The following HDAC4 variants were observed in gnomAD, a reference collection of about 807,000 sequenced individuals.
HDAC4 encodes histone deacetylase A.
HDAC4 carries 16 observed loss-of-function variants against 135.1 expected under a neutral mutation model. The ratio of observed to expected loss-of-function variants is 0.12; its 90% confidence interval spans 0.08 to 0.18. The LOEUF (loss-of-function observed/expected upper bound fraction) is 0.18. HDAC4 is among the 10% of genes least tolerant of loss of function. The probability of loss-of-function intolerance (pLI) is 1.00; values close to 1 mark genes in which losing one functional copy is unlikely to be tolerated. For missense variants in HDAC4, 1,143 were observed against 1,511.8 expected, an observed-to-expected ratio of 0.76 and a Z score of 4.05; for synonymous variants, 685 against 653.4, an observed-to-expected ratio of 1.05 and a Z score of -0.74.
chr2:239,282,073 A>C (rs2050801245), intron 2 of HDAC4, among the ~76,000 whole-genome samples: 1 of 149,390 alleles, frequency 6.7e-6, no homozygotes, highest in Admixed American at 6.6e-5. Flanking sequence ...CTCTACACAC[A>C]ATGTATACAC....
At position 239,189,901 on chromosome 2, in the gene HDAC4, C is replaced by A. The variant is rs763704380; in HGVS notation, c.271G>T (p.Ala91Ser). ...TGCTCGTGCTGCCTCTGGAACTCAG[C>A]GATGAGGATCTGCCTCTGGATCTGC... ...KQQIQRQILI[A>S]EFQRQHEQLS... Residue 91 changes from alanine to serine, a missense_variant, in exon 4 of 27, where the codon GCT becomes TCT. Transcript: ENST00000543185. 3 of 1,611,050 alleles carry A rather than the reference C, an allele frequency of 1.9e-6. No individual in the cohort carries two copies. The highest frequency in any genetic ancestry group is 4.5e-5 in the East Asian group (2 of 44,822).
chr2:239,235,936 A>G (rs1444131663), intron 3 of HDAC4, among the ~76,000 whole-genome samples: 1 of 152,134 alleles, frequency 6.6e-6, no homozygotes, highest in Non-Finnish European at 1.5e-5. Flanking sequence ...CTACTTGGGG[A>G]GACTGAGGCA....
upstream of HDAC4, chr2:239,401,348 C>G (rs575863015): frequency 4.6e-5 from 7 of 153,326 alleles, no homozygotes; most frequent in African/African-American, 1.7e-4. Flanking sequence ...TCCCCGCACG[C>G]GTCCTGGACC....
intron 12 of HDAC4, among the ~76,000 whole-genome samples, chr2:239,119,660 G>A (rs909244481): frequency 5.9e-5 from 9 of 152,126 alleles, no homozygotes; most frequent in African/African-American, 1.9e-4. Context: ...AGACCTAAGG[G>A]CTGAGGACAC....
In HDAC4 at chr2:239,168,914, C is replaced by T. The variant is rs866165625; in HGVS notation, c.491-4991G>A. ...AAACCACCGGGACGGCCGCCTGTGA[C>T]GGGGCTAGAGGGGAGCAGGAACATT... is the stretch of plus-strand genomic sequence containing the variant. On this transcript the variant is annotated intron_variant, in intron 5 of 26. Transcript: ENST00000543185. Among the ~76,000 whole-genome samples the T allele has an allele frequency of 7.9e-5, 12 of 152,166 alleles. 1 individual carries two copies. The highest frequency in any genetic ancestry group is 3.9e-4 in the Admixed American group (6 of 15,288).
intron 1 of HDAC4, among the ~76,000 whole-genome samples, chr2:239,396,280 T>C (rs1000843079): frequency 5.9e-5 from 9 of 152,040 alleles, no homozygotes; most frequent in Non-Finnish European, 8.8e-5. Context: ...CCAGCCCTAT[T>C]ATATTTTATA....
At chr2:239,158,774 G>A (rs2042586971) in intron 6 of HDAC4, among the ~76,000 whole-genome samples, 1 of 152,050 alleles carries the variant, frequency 6.6e-6, no homozygotes, top group Admixed American at 6.6e-5. Flanking sequence ...GTCAGGGCAG[G>A]TCACACCCGC....
chr2:239,258,232 C>T (rs1254656647), intron 2 of HDAC4, among the ~76,000 whole-genome samples: 1 of 151,808 alleles, frequency 6.6e-6, no homozygotes, highest in African/African-American at 2.4e-5. Flanking sequence ...AGAATGATCT[C>T]AAAAGTCAAG....
At chr2:239,356,266 A>G (rs1045898864) in intron 1 of HDAC4, among the ~76,000 whole-genome samples, 3 of 152,220 alleles carry the variant, frequency 2.0e-5, no homozygotes, top group African/African-American at 7.2e-5. Flanking sequence ...GGAAGAATTA[A>G]AGCATCTAAG....
chr2:239,142,104 C>T (rs559143266), intron 8 of HDAC4, among the ~76,000 whole-genome samples: 5 of 151,944 alleles, frequency 3.3e-5, no homozygotes, highest in Non-Finnish European at 5.9e-5. Flanking sequence ...GCACAGAACA[C>T]GGGCTGCGGG....
Position 239,068,451 on chromosome 2 carries a change from G to A in HDAC4, c.2869+38C>T. On this transcript the variant is annotated intron_variant, in intron 23 of 26. Transcript: ENST00000543185. This position sits in a 1 kb window ranked among gnomAD's most constrained non-coding sequence, Gnocchi z 4.4. Reference sequence around the variant, plus strand: ...GGAACACAGCGGATCATGGACATGAGCAGAACCGGCTCCTCAGTCATATGC... The same window carrying A: ...GGAACACAGCGGATCATGGACATGAACAGAACCGGCTCCTCAGTCATATGC... 2.1e-6 allele frequency: 3 copies of A among 1,419,674 alleles called. No individual in the cohort carries two copies. Among genetic ancestry groups the A allele is most frequent in the Non-Finnish European group, 3.0e-6 (3 of 1,002,730 alleles). 87.9% of individuals were successfully genotyped at this position (1,419,674 alleles called of 1,614,324 possible).
At chr2:239,302,150 G>A (rs1318455882) in intron 2 of HDAC4, among the ~76,000 whole-genome samples, 1 of 152,168 alleles carries the variant, frequency 6.6e-6, no homozygotes, top group Non-Finnish European at 1.5e-5. Context: ...GTCAAGAACA[G>A]AAAACCTAAC....
intron 2 of HDAC4, among the ~76,000 whole-genome samples, chr2:239,323,926 CAG>C (rs1254601802): frequency 2.6e-5 from 4 of 152,120 alleles, no homozygotes; most frequent in Non-Finnish European, 5.9e-5. Flanking sequence ...AAAAAAGAAA[CAG>C]TGCAAATTTC....
chr2:239,061,130 G>C (rs912269439), intron 24 of HDAC4, among the ~76,000 whole-genome samples: 1 of 149,424 alleles, frequency 6.7e-6, no homozygotes, highest in Non-Finnish European at 1.5e-5. Context: ...GGGGGAGTGT[G>C]ACTGAGTGTG....
At chr2:239,121,398 G>A (rs773646042) in intron 12 of HDAC4, among the ~76,000 whole-genome samples, 16 of 152,178 alleles carry the variant, frequency 1.1e-4, no homozygotes, top group Non-Finnish European at 1.8e-4. Flanking sequence ...GCTGTTTCAG[G>A]GGCCCCAAGG....
intron 22 of HDAC4, among the ~76,000 whole-genome samples, chr2:239,080,234 A>G (rs1340994024): frequency 1.3e-5 from 2 of 152,386 alleles, no homozygotes; most frequent in East Asian, 3.8e-4. Context: ...CGTGCGTTTT[A>G]TATGTATGTA....
rs775369216 is a variant in HDAC4, at chr2:239,111,715, G to T, written c.1792-3C>A. On this transcript the variant is annotated splice_polypyrimidine_tract_variant and splice_region_variant and intron_variant, in intron 13 of 26. Coordinates refer to ENST00000543185, the MANE Select transcript of HDAC4 (RefSeq NM_001378414.1). ...TGCTGCTCCAGCAGGAGGGCTTGCT[G>T]CGGGGAAGAAACGGCCGTGTTGGCG... 3.4e-5 allele frequency: 54 copies of T among 1,592,712 alleles called. No individual in the cohort carries two copies. The highest frequency in any genetic ancestry group is 4.5e-5 in the Non-Finnish European group (53 of 1,170,280).
At chr2:239,381,715 A>C (rs1575784563) in intron 1 of HDAC4, among the ~76,000 whole-genome samples, 1 of 152,198 alleles carries the variant, frequency 6.6e-6, no homozygotes, top group African/African-American at 2.4e-5. Flanking sequence ...GCGACGGACA[A>C]TTCATTGTCC....
Position 239,313,135 on chromosome 2 carries a change from G to A in HDAC4, c.22+39543C>T, listed in dbSNP as rs753406511. On this transcript the variant is annotated intron_variant, in intron 2 of 26. Transcript: ENST00000543185. The surrounding 1 kb of genome is among the most constrained non-coding windows in gnomAD (Gnocchi z 5.1). ...CTCCCCGGGGGCGTTCCGAGGTGGC[G>A]GAGGAGGAAGCTGCAGCCCGTTATC... Among the ~76,000 whole-genome samples, 49 of 152,288 alleles carry A rather than the reference G, an allele frequency of 3.2e-4. No individual in the cohort carries two copies. Among genetic ancestry groups the A allele is most frequent in the African/African-American group, 6.5e-4 (27 of 41,554 alleles).
Sources: gnomAD v4.1 joint callset for allele counts (sites outside exome capture counted in the v4.1 genomes callset) on GRCh38, gnomAD v4.1.1 for gene constraint, Gnocchi (gnomAD v3.1) non-coding constraint, MANE v1.5 for transcripts, NCBI Gene and HGNC (gene_info 2026-07-23, HGNC 2026-07-21) for gene names.